The following GPM6A variants were observed in gnomAD, a reference collection of about 807,000 sequenced individuals.
GPM6A encodes the protein glycoprotein M6A, also known as neuronal membrane glycoprotein M6-a.
GPM6A carries 7 observed loss-of-function variants against 32.1 expected under a neutral mutation model. That is an observed-to-expected ratio of 0.22 (90% CI 0.12 to 0.41). The LOEUF is 0.41. Ranked by LOEUF, GPM6A falls within the 10% of genes least tolerant of loss-of-function variation. The probability of loss-of-function intolerance (pLI) is 1.00; values close to 1 mark genes in which losing one functional copy is unlikely to be tolerated. For missense variants in GPM6A, 235 were observed against 347.2 expected, an observed-to-expected ratio of 0.68 and a Z score of 2.57; for synonymous variants, 130 against 123.4, an observed-to-expected ratio of 1.05 and a Z score of -0.35.
chr4:175,634,853 C>T lies in GPM6A; in HGVS notation c.*52G>A, dbSNP rs1343592678. 4.0e-6 allele frequency: 6 copies of T among 1,499,866 alleles called. No individual in the cohort carries two copies. Among genetic ancestry groups the T allele is most frequent in the Non-Finnish European group, 4.6e-6 (5 of 1,083,154 alleles). The allele number at this position is 1,499,866 out of a possible 1,614,324, so 92.9% of individuals were successfully genotyped here. Reference sequence around the variant, plus strand: ...TTTAAAGGTTGGATGGTTGGATGGCCCTTAGTTAAACACCAATGCATTCAA... The same window carrying T: ...TTTAAAGGTTGGATGGTTGGATGGCTCTTAGTTAAACACCAATGCATTCAA... On this transcript the variant is annotated 3_prime_UTR_variant, in exon 7 of 7. Coordinates refer to ENST00000393658, the MANE Select transcript of GPM6A (RefSeq NM_201591.3).
chr4:175,897,242 C>T (rs910322317), intron 1 of GPM6A, among the ~76,000 whole-genome samples: 5 of 151,986 alleles, frequency 3.3e-5, no homozygotes, highest in Admixed American at 2.6e-4. Context: ...CCAGGATGGG[C>T]TTACATTGGA....
At chr4:175,802,719 T>C (rs1180310899) in intron 1 of GPM6A, among the ~76,000 whole-genome samples, 2 of 152,114 alleles carry the variant, frequency 1.3e-5, no homozygotes, top group Admixed American at 6.5e-5. Context: ...AGCAAATTTG[T>C]AAACTACTTT....
intron 1 of GPM6A, among the ~76,000 whole-genome samples, chr4:175,747,371 T>G (rs529469225): frequency 2.3e-4 from 35 of 151,830 alleles, no homozygotes; most frequent in Non-Finnish European, 4.6e-4. Context: ...TGAGGGAGTA[T>G]GAAATACAGG....
intron 1 of GPM6A, among the ~76,000 whole-genome samples, chr4:175,749,804 T>C (rs1304389306): frequency 6.6e-6 from 1 of 152,150 alleles, no homozygotes; most frequent in African/African-American, 2.4e-5. Context: ...GACATCCTTC[T>C]GAGAACTATT....
chr4:175,976,903 G>A (rs953345266), intron 1 of GPM6A, among the ~76,000 whole-genome samples: 5 of 152,110 alleles, frequency 3.3e-5, no homozygotes, highest in African/African-American at 1.2e-4. Context: ...AATAAATCAA[G>A]AAAAATAAAA....
intron 1 of GPM6A, among the ~76,000 whole-genome samples, chr4:175,753,877 C>T (rs1732430746): frequency 1.3e-5 from 2 of 152,084 alleles, no homozygotes; most frequent in Admixed American, 6.6e-5. Context: ...AAGCATCAGC[C>T]TTTAGGTGCT....
At chr4:175,905,257 G>T (rs531033667) in intron 1 of GPM6A, among the ~76,000 whole-genome samples, 1 of 152,214 alleles carries the variant, frequency 6.6e-6, no homozygotes, top group East Asian at 1.9e-4. Context: ...GCTGTCTCTG[G>T]GCTGAGCCTA....
intron 1 of GPM6A, among the ~76,000 whole-genome samples, chr4:175,726,932 A>G (rs1277375183): frequency 1.3e-5 from 2 of 152,082 alleles, no homozygotes; most frequent in Non-Finnish European, 2.9e-5. Flanking sequence ...GGAGATGGAG[A>G]TTACGGTAAG....
At chr4:175,648,700 C>A (rs889904335) in intron 4 of GPM6A, among the ~76,000 whole-genome samples, 3 of 152,174 alleles carry the variant, frequency 2.0e-5, no homozygotes, top group South Asian at 4.1e-4. Context: ...CACCCACATG[C>A]CTTGGCTCTT....
chr4:175,708,187 A>C (rs1334472522), intron 1 of GPM6A, among the ~76,000 whole-genome samples: 1 of 152,098 alleles, frequency 6.6e-6, no homozygotes, highest in Non-Finnish European at 1.5e-5. Context: ...AATATAGGTG[A>C]GATTGTGAAA....
chr4:175,697,947 A>T (rs913621704), intron 2 of GPM6A, among the ~76,000 whole-genome samples: 2 of 152,204 alleles, frequency 1.3e-5, no homozygotes, highest in African/African-American at 4.8e-5. Context: ...TATGGTTTGC[A>T]TTCTGGACAA....
chr4:175,865,104 C>G (rs945183969), intron 1 of GPM6A, among the ~76,000 whole-genome samples: 4 of 152,152 alleles, frequency 2.6e-5, no homozygotes, highest in African/African-American at 9.7e-5. Context: ...AGTCACTGTG[C>G]CTGGTCTCAT....
At chr4:175,946,999 A>G (rs545341292) in intron 1 of GPM6A, among the ~76,000 whole-genome samples, 79 of 152,320 alleles carry the variant, frequency 5.2e-4, no homozygotes, top group Non-Finnish European at 7.5e-4. Context: ...CCTGCATTTG[A>G]AAATGCTTCA....
intron 1 of GPM6A, chr4:175,906,612 C>CG (rs1309862428): frequency 3.9e-5 from 6 of 152,142 alleles, no homozygotes; most frequent in Admixed American, 2.0e-4. Flanking sequence ...CACCTCCGCA[C>CG]GACAGCAGCC....
At chr4:175,662,015 A>T (rs567900896) in intron 3 of GPM6A, among the ~76,000 whole-genome samples, 15 of 152,286 alleles carry the variant, frequency 9.8e-5, no homozygotes, top group African/African-American at 2.4e-4. Context: ...GAAATGATAA[A>T]TTTTTTTAAA....
chr4:175,843,610 T>C (rs116173541), intron 1 of GPM6A, among the ~76,000 whole-genome samples: 4 of 152,316 alleles, frequency 2.6e-5, no homozygotes, highest in Middle Eastern at 3.4e-3. Flanking sequence ...AGGCAACCTG[T>C]GGAGCTGAAC....
chr4:175,826,647 C>T (rs556737034), intron 1 of GPM6A, among the ~76,000 whole-genome samples: 1 of 152,082 alleles, frequency 6.6e-6, no homozygotes, highest in Admixed American at 6.6e-5. Context: ...CAGAGACATG[C>T]AATTTGTGCA....
chr4:175,790,625 A>G (rs563338665), intron 1 of GPM6A, among the ~76,000 whole-genome samples: 1 of 152,312 alleles, frequency 6.6e-6, no homozygotes, highest in South Asian at 2.1e-4. Context: ...ATTCTCCAAA[A>G]TGGAAGTCAC....
At chr4:175,719,048 C>T (rs918639553) in intron 1 of GPM6A, among the ~76,000 whole-genome samples, 1 of 152,112 alleles carries the variant, frequency 6.6e-6, no homozygotes, top group African/African-American at 2.4e-5. Flanking sequence ...ATACAACCAT[C>T]TTACTAAAAA....
Sources: gnomAD v4.1 joint callset for allele counts (sites outside exome capture counted in the v4.1 genomes callset) on GRCh38, gnomAD v4.1.1 for gene constraint, MANE v1.5 for transcripts, NCBI Gene and HGNC (gene_info 2026-07-23, HGNC 2026-07-21) for gene names.